TUSC1: variants seen among roughly 807,000 people sequenced by gnomAD.
TUSC1 encodes the protein tumor suppressor candidate gene 1 protein.
A neutral mutation model predicts 5.2 loss-of-function variants in TUSC1; 8 were observed. That is an observed-to-expected ratio of 1.54 (90% CI 0.90 to 2.77). The LOEUF (loss-of-function observed/expected upper bound fraction) is 2.77. Among genes scored for constraint, TUSC1 ranks in the 30% most tolerant of loss-of-function variants. TUSC1 has a pLI of 0.00. For synonymous variants in TUSC1, 192 were observed against 144.2 expected (o/e 1.33, Z -2.37); for missense variants, 442 against 324.2 (o/e 1.36, Z -2.79).
In TUSC1 at chr9:25,677,664, T is replaced by C. The variant is rs1407004498; in HGVS notation, c.*19A>G. On this transcript the variant is annotated 3_prime_UTR_variant, in exon 1 of 1. Coordinates refer to ENST00000358022, the MANE Select transcript of TUSC1 (RefSeq NM_001004125.3). ...AGGGGCCCGCTCGAGGCTCCGCCTC[T>C]CACCGGCTGCGGCCTCGGCTACAGC... The C allele has an allele frequency of 1.2e-5, 18 of 1,490,174 alleles. No individual in the cohort carries two copies. The highest frequency in any genetic ancestry group is 1.5e-5 in the Non-Finnish European group (17 of 1,120,972). 92.3% of individuals were successfully genotyped at this position (1,490,174 alleles called of 1,614,324 possible).
Position 25,677,744 on chromosome 9 carries a change from A to G in TUSC1, c.569T>C (p.Leu190Pro), listed in dbSNP as rs1167465508. 6.3e-7 allele frequency: 1 copy of G among 1,577,582 alleles called. No individual in the cohort carries two copies. Among genetic ancestry groups the G allele is most frequent in the Non-Finnish European group, 8.6e-7 (1 of 1,162,262 alleles). ...RPSGDKEEQP[L>P]QEPDSGLRSR... ...GCGGAGGCCGGAGTCGGGTTCCTGT[A>G]GAGGCTGCTCCTCCTTGTCCCCGCT... The change falls in exon 1 of 1, where the codon CTA becomes CCA. Residue 190 changes from leucine (L) to proline (P), a missense_variant. Coordinates refer to ENST00000358022, the MANE Select transcript of TUSC1 (RefSeq NM_001004125.3).
chr9:25,677,694 G>A lies in TUSC1; in HGVS notation c.619C>T (p.Pro207Ser), dbSNP rs766165936. Residue 207 changes from proline (P) to serine (S), a missense_variant, in exon 1 of 1, where the codon CCC becomes TCC. Transcript: ENST00000358022. ...LRSRDSEPSG[P>S]WL ...GGCTGCGGCCTCGGCTACAGCCAGG[G>A]CCCAGAGGGCTCCGAGTCCCGGGAG... The A allele has an allele frequency of 9.7e-6, 15 of 1,545,918 alleles. No homozygotes were observed. The highest frequency in any genetic ancestry group is 3.9e-5 in the Admixed American group (2 of 51,706).
chr9:25,677,655 C>A lies in TUSC1; in HGVS notation c.*28G>T. On this transcript the variant is annotated 3_prime_UTR_variant, in exon 1 of 1. Coordinates refer to ENST00000358022, the MANE Select transcript of TUSC1 (RefSeq NM_001004125.3). ...CGGAGGAGGAGGGGCCCGCTCGAGGCTCCGCCTCTCACCGGCTGCGGCCTC... is the reference window on the plus strand; with the variant it reads ...CGGAGGAGGAGGGGCCCGCTCGAGGATCCGCCTCTCACCGGCTGCGGCCTC... 1.4e-6 allele frequency: 2 copies of A among 1,476,992 alleles called. No individual in the cohort carries two copies. Among genetic ancestry groups the A allele is most frequent in the South Asian group, 2.7e-5 (2 of 74,224 alleles). 91.5% of individuals were successfully genotyped at this position (1,476,992 alleles called of 1,614,324 possible).
chr9:25,678,308 C>G lies in TUSC1; in HGVS notation c.5G>C (p.Trp2Ser), dbSNP rs1819095372. Residue 2 changes from tryptophan to serine, a missense_variant, in exon 1 of 1, where the codon TGG becomes TCG. By Grantham distance (177) the Trp-to-Ser change is radical. Coordinates refer to ENST00000358022, the MANE Select transcript of TUSC1 (RefSeq NM_001004125.3). ...CCTAGTGGCGCCACCACGCATGCGCCACATCGGTCCCATCCCAACCGCGCC... is the reference window on the plus strand; with the variant it reads ...CCTAGTGGCGCCACCACGCATGCGCGACATCGGTCCCATCCCAACCGCGCC... The part of the protein sequence containing the change: M[W>S]RMRGGATRRG... 1 of 1,466,892 alleles carries G rather than the reference C, an allele frequency of 6.8e-7. No homozygotes were observed. Among genetic ancestry groups the G allele is most frequent in the Admixed American group, 2.4e-5 (1 of 40,994 alleles). The allele number at this position is 1,466,892 out of a possible 1,614,324, so 90.9% of individuals were successfully genotyped here.
rs1819061389 is a variant in TUSC1 at position 25,677,473 on chromosome 9, G to A, written c.*210C>T. ...GGCAGGGGAACTGTACATGTGGGAG[G>A]TCCTGAGGGCCCTTGCACCCACTCG... On this transcript the variant is annotated 3_prime_UTR_variant, in exon 1 of 1. Transcript: ENST00000358022. 2 of 886,660 alleles carry A rather than the reference G, an allele frequency of 2.3e-6. No individual in the cohort carries two copies. Among genetic ancestry groups the A allele is most frequent in the East Asian group, 5.4e-5 (2 of 36,736 alleles). 54.9% of individuals were successfully genotyped at this position (886,660 alleles called of 1,614,324 possible). A position where few individuals can be genotyped will look rare whatever the true frequency, so the allele number is the denominator to read the frequency against.
chr9:25,678,353 G>C lies in TUSC1; in HGVS notation c.-41C>G. The C allele has an allele frequency of 7.4e-7, 1 of 1,356,342 alleles. No individual in the cohort carries two copies. The allele number at this position is 1,356,342 out of a possible 1,614,324, so 84.0% of individuals were successfully genotyped here. ...CGCGCCGCCAGCCCCGTGGGCTGAG[G>C]GGCCGCGCGGCCAGGCGCGGGCAAG... On this transcript the variant is annotated 5_prime_UTR_variant, in exon 1 of 1. Transcript: ENST00000358022.
chr9:25,677,980 A>G lies in TUSC1; in HGVS notation c.333T>C (p.Ala111=). The part of the protein sequence containing the change: ...KRENRSLFRQ[A]LRLPGEGGNG... ...TGCCGCCTTCGCCGGGGAGCCGCAA[A>G]GCCTGACGGAAGAGGCTGCGGTTCT... Residue 111 remains alanine (A), a synonymous_variant, in exon 1 of 1, where the codon GCT becomes GCC. Coordinates refer to ENST00000358022, the MANE Select transcript of TUSC1 (RefSeq NM_001004125.3). 2.6e-6 allele frequency: 4 copies of G among 1,552,452 alleles called. No homozygotes were observed. The highest frequency in any genetic ancestry group is 3.5e-6 in the Non-Finnish European group (4 of 1,154,572).
In TUSC1 at chr9:25,678,273, A is replaced by C; in HGVS notation, c.40T>G (p.Cys14Gly). 6.8e-7 allele frequency: 1 copy of C among 1,464,162 alleles called. No homozygotes were observed. The allele number at this position is 1,464,162 out of a possible 1,614,324, so 90.7% of individuals were successfully genotyped here. A position where few individuals can be genotyped will look rare whatever the true frequency, so the allele number is the denominator to read the frequency against. The change falls in exon 1 of 1, where the codon TGC (cysteine) becomes GGC (glycine). Residue 14 changes from cysteine to glycine, a missense_variant. Physicochemically the swap from Cys to Gly is radical, Grantham distance 159 (BLOSUM62 -3). Coordinates refer to ENST00000358022, the MANE Select transcript of TUSC1 (RefSeq NM_001004125.3). The part of the protein sequence containing the change: ...MRGGATRRGS[C>G]CGGDGAADGR... Reference sequence around the variant, plus strand: ...TCCGCAGCACCGTCCCCGCCGCAGCAACTCCCGCGCCTAGTGGCGCCACCA... The same window carrying C: ...TCCGCAGCACCGTCCCCGCCGCAGCCACTCCCGCGCCTAGTGGCGCCACCA...
In TUSC1 at chr9:25,677,580, G is replaced by A. The variant is rs534262863; in HGVS notation, c.*103C>T. ...GAAGGCACCGTAGTCCAAGGTATCCGCGGGCAGGGAGCGGGCCAGGGCGTG... is the reference window on the plus strand; with the variant it reads ...GAAGGCACCGTAGTCCAAGGTATCCACGGGCAGGGAGCGGGCCAGGGCGTG... On this transcript the variant is annotated 3_prime_UTR_variant, in exon 1 of 1. Coordinates refer to ENST00000358022, the MANE Select transcript of TUSC1 (RefSeq NM_001004125.3). 111 of 1,434,348 alleles carry A rather than the reference G, an allele frequency of 7.7e-5. No individual in the cohort carries two copies. The East Asian group carries it at 2.6e-3, about 34-fold the overall frequency. 88.9% of individuals were successfully genotyped at this position (1,434,348 alleles called of 1,614,324 possible).
In TUSC1 at chr9:25,677,626, G is replaced by T; in HGVS notation, c.*57C>A. Reference sequence around the variant, plus strand: ...GCGTGCGCGAGGTCGGGGGTAGCTGGGAACGGAGGAGGAGGGGCCCGCTCG... The same window carrying T: ...GCGTGCGCGAGGTCGGGGGTAGCTGTGAACGGAGGAGGAGGGGCCCGCTCG... On this transcript the variant is annotated 3_prime_UTR_variant, in exon 1 of 1. Transcript: ENST00000358022. 2.1e-6 allele frequency: 3 copies of T among 1,445,844 alleles called. No homozygotes were observed. The highest frequency in any genetic ancestry group is 2.7e-6 in the Non-Finnish European group (3 of 1,104,802). The allele number at this position is 1,445,844 out of a possible 1,614,324, so 89.6% of individuals were successfully genotyped here.
At position 25,677,904 on chromosome 9, in the gene TUSC1, G is replaced by A. The variant is rs755891846; in HGVS notation, c.409C>T (p.Arg137Trp). Residue 137 changes from arginine to tryptophan, a missense_variant, in exon 1 of 1, where the codon CGG (arginine) becomes TGG (tryptophan). By Grantham distance (101) the Arg-to-Trp change is moderately radical. Coordinates refer to ENST00000358022, the MANE Select transcript of TUSC1 (RefSeq NM_001004125.3). ...RRVPEEASTNRRARDSGREDE... is the reference protein window; with the variant it reads ...RRVPEEASTNWRARDSGREDE... ...TCTCGGCCGCTGTCTCTAGCCCTCC[G>A]GTTCGTGCTGGCCTCTTCAGGGACC... The A allele has an allele frequency of 3.2e-6, 5 of 1,580,636 alleles. No individual in the cohort carries two copies. Among genetic ancestry groups the A allele is most frequent in the Admixed American group, 3.5e-5 (2 of 56,830 alleles).
chr9:25,678,031 CCGCAGCCGGGCGTTCTCCTGA>C lies in TUSC1; in HGVS notation c.261_281del (p.Gln88_Arg94del), dbSNP rs778469923. ...CGCGCTTCAGCCGCCGGTTCTCGAGCCGCAGCCGGGCGTTCTCCTGACGCAGCCGCGCGTTCTGCCGGTCCC... is the reference window on the plus strand; with the variant it reads ...CGCGCTTCAGCCGCCGGTTCTCGAGCCGCAGCCGCGCGTTCTGCCGGTCCC... On this transcript the variant is annotated inframe_deletion, in exon 1 of 1. Coordinates refer to ENST00000358022, the MANE Select transcript of TUSC1 (RefSeq NM_001004125.3). 86 of 1,572,706 alleles carry C rather than the reference CCGCAGCCGGGCGTTCTCCTGA, an allele frequency of 5.5e-5. No homozygotes were observed. Among genetic ancestry groups the C allele is most frequent in the South Asian group, 1.7e-4 (15 of 86,558 alleles).
Position 25,677,707 on chromosome 9 carries a change from C to T in TUSC1, c.606G>A (p.Ser202=), listed in dbSNP as rs573173283. The T allele has an allele frequency of 1.2e-5, 18 of 1,555,016 alleles. No homozygotes were observed. Among genetic ancestry groups the T allele is most frequent in the Middle Eastern group, 4.0e-4 (2 of 5,016 alleles). The change falls in exon 1 of 1, where the codon TCG becomes TCA. Residue 202 remains serine, a synonymous_variant. Coordinates refer to ENST00000358022, the MANE Select transcript of TUSC1 (RefSeq NM_001004125.3). ...GCTACAGCCAGGGCCCAGAGGGCTC[C>T]GAGTCCCGGGAGCGGAGGCCGGAGT... ...EPDSGLRSRD[S]EPSGPWL
chr9:25,677,739 C>A lies in TUSC1; in HGVS notation c.574G>T (p.Glu192Ter). ...SGDKEEQPLQEPDSGLRSRDS... is the reference protein window; with the variant it reads ...SGDKEEQPLQ The stretch of plus-strand genomic sequence containing the variant: ...CGGGAGCGGAGGCCGGAGTCGGGTT[C>A]CTGTAGAGGCTGCTCCTCCTTGTCC... Residue 192 changes from glutamate to a stop codon, truncating the protein, a stop_gained, in exon 1 of 1, where the codon GAA (glutamate) becomes TAA (stop). Coordinates refer to ENST00000358022, the MANE Select transcript of TUSC1 (RefSeq NM_001004125.3). LOFTEE classifies it low-confidence loss of function (END_TRUNC). 2 of 1,575,612 alleles carry A rather than the reference C, an allele frequency of 1.3e-6. No individual in the cohort carries two copies. The highest frequency in any genetic ancestry group is 8.6e-7 in the Non-Finnish European group (1 of 1,161,164).
Position 25,678,271 on chromosome 9 carries a change from G to T in TUSC1, c.42C>A (p.Cys14Ter). 1 of 1,462,944 alleles carries T rather than the reference G, an allele frequency of 6.8e-7. No homozygotes were observed. The highest frequency in any genetic ancestry group is 9.0e-7 in the Non-Finnish European group (1 of 1,109,832). 90.6% of individuals were successfully genotyped at this position (1,462,944 alleles called of 1,614,324 possible). A position where few individuals can be genotyped will look rare whatever the true frequency, so the allele number is the denominator to read the frequency against. ...MRGGATRRGSCCGGDGAADGR... is the reference protein window; with the variant it reads ...MRGGATRRGS ...CGTCCGCAGCACCGTCCCCGCCGCA[G>T]CAACTCCCGCGCCTAGTGGCGCCAC... Residue 14 changes from cysteine to a stop codon, truncating the protein, a stop_gained, in exon 1 of 1, where the codon TGC (cysteine) becomes TGA (stop). Transcript: ENST00000358022. LOFTEE classifies it high-confidence loss of function.
rs767814246 is a variant in TUSC1, at chr9:25,677,682, G to T, written c.*1C>A. 6.6e-7 allele frequency: 1 copy of T among 1,519,206 alleles called. No individual in the cohort carries two copies. 94.1% of individuals were successfully genotyped at this position (1,519,206 alleles called of 1,614,324 possible). On this transcript the variant is annotated 3_prime_UTR_variant, in exon 1 of 1. Coordinates refer to ENST00000358022, the MANE Select transcript of TUSC1 (RefSeq NM_001004125.3). ...CCGCCTCTCACCGGCTGCGGCCTCG[G>T]CTACAGCCAGGGCCCAGAGGGCTCC...
Position 25,677,694 on chromosome 9 carries a change from GC to G in TUSC1, c.618del (p.Trp208GlyfsTer9). 3 of 1,546,036 alleles carry G rather than the reference GC, an allele frequency of 1.9e-6. No individual in the cohort carries two copies. The highest frequency in any genetic ancestry group is 2.6e-6 in the Non-Finnish European group (3 of 1,145,778). Reference sequence around the variant, plus strand: ...GGCTGCGGCCTCGGCTACAGCCAGGGCCCAGAGGGCTCCGAGTCCCGGGAGC... The same window carrying G: ...GGCTGCGGCCTCGGCTACAGCCAGGGCCAGAGGGCTCCGAGTCCCGGGAGC... The part of the protein sequence containing the change: ...GLRSRDSEPS[G>X]PWL On this transcript the variant is annotated frameshift_variant, in exon 1 of 1. Coordinates refer to ENST00000358022, the MANE Select transcript of TUSC1 (RefSeq NM_001004125.3). LOFTEE classifies it high-confidence loss of function.
In TUSC1 at chr9:25,678,407, C is replaced by G. The variant is rs1293607280; in HGVS notation, c.-95G>C. ...GGGGCTGGCAGGGCGGCCGGGGTGA[C>G]GACGGAGGAGGAGAGGAGGTCGCGG... On this transcript the variant is annotated 5_prime_UTR_variant, in exon 1 of 1. Coordinates refer to ENST00000358022, the MANE Select transcript of TUSC1 (RefSeq NM_001004125.3). The G allele has an allele frequency of 1.0e-5, 12 of 1,168,666 alleles. No individual in the cohort carries two copies. Among genetic ancestry groups the G allele is most frequent in the Non-Finnish European group, 5.4e-6 (5 of 917,874 alleles). The allele number at this position is 1,168,666 out of a possible 1,614,324, so 72.4% of individuals were successfully genotyped here.
rs1128953 is a variant in TUSC1 at position 25,677,351 on chromosome 9, A to G, written c.*332T>C. 2 of 343,244 alleles carry G rather than the reference A, an allele frequency of 5.8e-6. No individual in the cohort carries two copies. Among genetic ancestry groups the G allele is most frequent in the Non-Finnish European group, 1.1e-5 (2 of 189,984 alleles). The allele number at this position is 343,244 out of a possible 1,614,324, so 21.3% of individuals were successfully genotyped here. On this transcript the variant is annotated 3_prime_UTR_variant, in exon 1 of 1. Transcript: ENST00000358022. ...CACAACATCCAGAAAAGTTCAGGGAATATGAAGTGTTTCTTGGCACCCAGT... is the reference window on the plus strand; with the variant it reads ...CACAACATCCAGAAAAGTTCAGGGAGTATGAAGTGTTTCTTGGCACCCAGT...
Sources: gnomAD v4.1 joint callset for allele counts on GRCh38, gnomAD v4.1.1 for gene constraint, MANE v1.5 for transcripts, NCBI Gene and HGNC (gene_info 2026-07-23, HGNC 2026-07-21) for gene names.